The following MAP4K3 variants were observed in gnomAD, a reference collection of about 807,000 sequenced individuals.
MAP4K3 encodes mitogen-activated protein kinase kinase kinase kinase 3.
MAP4K3 carries 94 observed loss-of-function variants against 143.5 expected under a neutral mutation model. The ratio of observed to expected loss-of-function variants is 0.65; its 90% CI spans 0.55 to 0.78. MAP4K3 has a LOEUF of 0.78. MAP4K3 is among the 30% of genes least tolerant of loss of function. MAP4K3 has a pLI of 0.00. For missense variants in MAP4K3, 1,077 were observed against 1,068.1 expected, an observed-to-expected ratio of 1.01 and a Z score of -0.12; for synonymous variants, 416 against 347.2, an observed-to-expected ratio of 1.20 and a Z score of -2.20.
chr2:39,382,508 A>G (rs1316548607), intron 1 of MAP4K3, among the ~76,000 whole-genome samples: 1 of 152,224 alleles, frequency 6.6e-6, no homozygotes, highest in Non-Finnish European at 1.5e-5. Flanking sequence ...TCTGCCCACA[A>G]TTTAATAACA....
chr2:39,338,505 C>T (rs1005579792), intron 4 of MAP4K3, among the ~76,000 whole-genome samples: 4 of 152,124 alleles, frequency 2.6e-5, no homozygotes, highest in African/African-American at 2.4e-5. Flanking sequence ...CTATTTTAAA[C>T]GGACATTTTA....
At chr2:39,355,099 T>C (rs1436692012) in intron 3 of MAP4K3, among the ~76,000 whole-genome samples, 1 of 152,114 alleles carries the variant, frequency 6.6e-6, no homozygotes, top group African/African-American at 2.4e-5. Flanking sequence ...GTGCGGAGGC[T>C]CACGCCTGTA....
rs553865336 is a variant in MAP4K3 at position 39,277,634 on chromosome 2, G to A, written c.1794+773C>T. 2.0e-3 allele frequency among the ~76,000 whole-genome samples: 298 copies of A among 151,844 alleles called. 1 individual carries two copies. The highest frequency in any genetic ancestry group is 2.0e-3 in the Non-Finnish European group (139 of 67,922). ...GGCTGGAGTGCAATGGCGTAATCTC[G>A]GCTCACTGTAACCTCCTCCTCCCGG... On this transcript the variant is annotated intron_variant, in intron 24 of 33. Coordinates refer to ENST00000263881, the MANE Select transcript of MAP4K3 (RefSeq NM_003618.4).
At chr2:39,376,803 T>C (rs772563845) in intron 2 of MAP4K3, among the ~76,000 whole-genome samples, 1 of 152,188 alleles carries the variant, frequency 6.6e-6, no homozygotes, top group Non-Finnish European at 1.5e-5. Flanking sequence ...AGTAACACAG[T>C]CACTGCTTAA....
At position 39,336,471 on chromosome 2, in the gene MAP4K3, CAAAAAAAAAAAAAAAA is replaced by C. The variant is rs55780656; in HGVS notation, c.414+433_414+448del. Reference sequence around the variant, plus strand: ...TGGGCAACAGAGCGAGACTCCATCTCAAAAAAAAAAAAAAAAAAAAAAAAAAAAAAGACTATGAGAA... The same window carrying C: ...TGGGCAACAGAGCGAGACTCCATCTCAAAAAAAAAAAAAAGACTATGAGAA... On this transcript the variant is annotated intron_variant, in intron 6 of 33. Transcript: ENST00000263881. Among the ~76,000 whole-genome samples, 24 of 38,682 alleles carry C rather than the reference CAAAAAAAAAAAAAAAA, an allele frequency of 6.2e-4. No individual in the cohort carries two copies. In the East Asian group the frequency reaches 0.011, roughly 17 times the overall value. The allele number at this position is 38,682 out of a possible 152,430, so 25.4% of individuals were successfully genotyped here. A position where few individuals can be genotyped will look rare whatever the true frequency, so the allele number is the denominator to read the frequency against.
chr2:39,267,264 G>C lies in MAP4K3; in HGVS notation c.1974-17C>G. 6.3e-7 allele frequency: 1 copy of C among 1,599,974 alleles called. No homozygotes were observed. On this transcript the variant is annotated splice_polypyrimidine_tract_variant and intron_variant, in intron 26 of 33. Transcript: ENST00000263881. Reference sequence around the variant, plus strand: ...GAAAATTTCCTAAATGTAAATAAAAGTGAGTACGTAATATATGTAGGCAAA... The same window carrying C: ...GAAAATTTCCTAAATGTAAATAAAACTGAGTACGTAATATATGTAGGCAAA...
intron 16 of MAP4K3, among the ~76,000 whole-genome samples, chr2:39,298,474 T>C (rs1257559304): frequency 6.6e-6 from 1 of 151,908 alleles, no homozygotes; most frequent in Non-Finnish European, 1.5e-5. Context: ...GCCTTTTCTC[T>C]CTGTTAGGAA....
At chr2:39,259,406 T>C (rs1680474319) in intron 29 of MAP4K3, among the ~76,000 whole-genome samples, 1 of 152,166 alleles carries the variant, frequency 6.6e-6, no homozygotes, top group Admixed American at 6.5e-5. Context: ...ACATACTACA[T>C]ACTCAATGAT....
intron 12 of MAP4K3, 125 bp from the exon 13 acceptor site, chr2:39,315,513 G>A: frequency 2.0e-6 from 1 of 503,158 alleles, no homozygotes; most frequent in Non-Finnish European, 3.1e-6. Flanking sequence ...ACAGCACTTT[G>A]CAAATTTTTT....
At chr2:39,326,045 C>T (rs1683480067) in intron 9 of MAP4K3, 84 bp from the exon 10 acceptor site, 2 of 1,512,156 alleles carry the variant, frequency 1.3e-6, no homozygotes, top group Admixed American at 3.9e-5. Context: ...ATTTGTTCCC[C>T]AAATAAGGTA....
chr2:39,253,147 G>A (rs2148429997), intron 32 of MAP4K3, among the ~76,000 whole-genome samples: 1 of 152,144 alleles, frequency 6.6e-6, no homozygotes, highest in African/African-American at 2.4e-5. Context: ...CTTTTTTTTG[G>A]AGGGGGACGG....
chr2:39,297,454 T>C (rs914097908), intron 16 of MAP4K3, among the ~76,000 whole-genome samples: 2 of 152,168 alleles, frequency 1.3e-5, no homozygotes, highest in Non-Finnish European at 2.9e-5. Flanking sequence ...TTGTTGGTTT[T>C]AAATAAATTA....
intron 1 of MAP4K3, chr2:39,436,678 G>T (rs1209102398): frequency 1.6e-5 from 9 of 563,394 alleles, no homozygotes; most frequent in Non-Finnish European, 2.2e-5. Flanking sequence ...ATGTCCACCG[G>T]GGGGGCTCAG....
At chr2:39,403,154 T>C (rs1174330009) in intron 1 of MAP4K3, among the ~76,000 whole-genome samples, 1 of 151,782 alleles carries the variant, frequency 6.6e-6, no homozygotes. Flanking sequence ...TTCAGAAAAA[T>C]GAAAAGAATA....
intron 1 of MAP4K3, among the ~76,000 whole-genome samples, chr2:39,434,077 G>T (rs1558356473): frequency 6.6e-6 from 1 of 152,062 alleles, no homozygotes; most frequent in Admixed American, 6.6e-5. Flanking sequence ...ACATTGAGTA[G>T]GAAAACATTT....
At chr2:39,278,613 G>C (rs143354358) in intron 23 of MAP4K3, 127 bp from the exon 24 acceptor site, 341 of 572,300 alleles carry the variant, frequency 6.0e-4, no homozygotes, top group African/African-American at 5.9e-3. Flanking sequence ...TTTATAAGCA[G>C]TGAATACAAA....
At chr2:39,424,830 CAAAAA>C (rs58960920) in intron 1 of MAP4K3, among the ~76,000 whole-genome samples, 2 of 68,194 alleles carry the variant, frequency 2.9e-5, no homozygotes, top group African/African-American at 6.0e-5. Flanking sequence ...TAACCTGACT[CAAAAA>C]AAAAAAAAAA....
intron 1 of MAP4K3, among the ~76,000 whole-genome samples, chr2:39,419,040 T>A (rs1358338226): frequency 1.3e-5 from 2 of 152,106 alleles, no homozygotes; most frequent in African/African-American, 4.8e-5. Context: ...GGGTTAGGAG[T>A]CTTTGTGACT....
At chr2:39,404,055 G>T (rs1013930822) in intron 1 of MAP4K3, among the ~76,000 whole-genome samples, 6 of 151,880 alleles carry the variant, frequency 4.0e-5, no homozygotes, top group Non-Finnish European at 7.4e-5. Context: ...AGAGCCCTTG[G>T]GCCCTGAATA....
Sources: allele counts gnomAD v4.1 joint callset (sites outside exome capture counted in the v4.1 genomes callset), GRCh38; gene constraint gnomAD v4.1.1; transcripts MANE v1.5; gene names NCBI Gene and HGNC (gene_info 2026-07-23, HGNC 2026-07-21).